CDKAL1: variants seen among roughly 807,000 people sequenced by gnomAD.
CDKAL1 encodes the protein CDKAL1 threonylcarbamoyladenosine tRNA methylthiotransferase, also known as threonylcarbamoyladenosine tRNA methylthiotransferase.
CDKAL1 carries 32 observed loss-of-function variants against 68.2 expected under a neutral mutation model. The observed-to-expected ratio is 0.47, with a 90% CI of 0.35 to 0.63. The LOEUF (loss-of-function observed/expected upper bound fraction) is 0.63. CDKAL1 is among the 30% of genes least tolerant of loss of function. The pLI, the probability that CDKAL1 is intolerant of heterozygous loss-of-function variation, is 0.00. For synonymous variants in CDKAL1, 234 were observed against 244.3 expected (o/e 0.96, Z 0.39); for missense variants, 606 against 696.7 (o/e 0.87, Z 1.47).
At chr6:20,898,106 A>G (rs1761788022) in intron 9 of CDKAL1, among the ~76,000 whole-genome samples, 1 of 152,014 alleles carries the variant, frequency 6.6e-6, no homozygotes, top group Non-Finnish European at 1.5e-5. Flanking sequence ...TCTTGGGTGT[A>G]TAATTAGTTT....
At chr6:21,113,855 T>C (rs115264979) in intron 13 of CDKAL1, among the ~76,000 whole-genome samples, 4,626 of 151,432 alleles carry the variant, frequency 0.031, 165 homozygotes, top group East Asian at 0.18. Flanking sequence ...CAGGAGGATC[T>C]CTTGAGCCCA....
Position 20,972,370 on chromosome 6 carries a change from T to C in CDKAL1, c.909+16785T>C, listed in dbSNP as rs549590683. ...CTCTTATCACCCAGGCTTGAGACAC[T>C]CTTAGCTCTTCCTTAGCCTTTAGTT... On this transcript the variant is annotated intron_variant, in intron 10 of 15. Transcript: ENST00000274695. Among the ~76,000 whole-genome samples, 164 of 152,280 alleles carry C rather than the reference T, an allele frequency of 1.1e-3. 1 individual carries two copies. The highest frequency in any genetic ancestry group is 3.8e-3 in the African/African-American group (158 of 41,560).
intron 4 of CDKAL1, among the ~76,000 whole-genome samples, chr6:20,601,564 C>T (rs1051770301): frequency 3.3e-5 from 5 of 152,048 alleles, no homozygotes; most frequent in Non-Finnish European, 5.9e-5. Flanking sequence ...CTCTCAGAGC[C>T]TCTCCTCTGT....
chr6:20,627,360 A>G (rs1032313370), intron 4 of CDKAL1, among the ~76,000 whole-genome samples: 3 of 152,214 alleles, frequency 2.0e-5, no homozygotes, highest in East Asian at 3.8e-4. Flanking sequence ...CAAATATACC[A>G]TACTCTGTAG....
chr6:20,765,113 G>C (rs1235463905), intron 7 of CDKAL1, among the ~76,000 whole-genome samples: 1 of 150,470 alleles, frequency 6.6e-6, no homozygotes, highest in Non-Finnish European at 1.5e-5. Flanking sequence ...TTGGTAACTT[G>C]CATTTCCCAT....
intron 9 of CDKAL1, among the ~76,000 whole-genome samples, chr6:20,935,797 T>C (rs1466737966): frequency 6.6e-6 from 1 of 152,146 alleles, no homozygotes; most frequent in Non-Finnish European, 1.5e-5. Flanking sequence ...CTACAACTCC[T>C]GCGCTCAAGC....
At position 21,013,305 on chromosome 6, in the gene CDKAL1, CTTTCTTTCTTT is replaced by C. The variant is rs1260971672; in HGVS notation, c.1055+12943_1055+12953del. On this transcript the variant is annotated intron_variant, in intron 11 of 15. Coordinates refer to ENST00000274695, the MANE Select transcript of CDKAL1 (RefSeq NM_017774.3). ...TGTTTCCTCTCTCTCTCTTTTCTTT[CTTTCTTTCTTT>C]TTTCTTTCTCTTCTCTTTTCAAGTA... Among the ~76,000 whole-genome samples, 4 of 152,178 alleles carry C rather than the reference CTTTCTTTCTTT, an allele frequency of 2.6e-5. No individual in the cohort carries two copies. In the East Asian group the frequency reaches 7.7e-4, roughly 29 times the overall value.
intron 5 of CDKAL1, among the ~76,000 whole-genome samples, chr6:20,734,536 A>T (rs1301417836): frequency 6.6e-6 from 1 of 152,178 alleles, no homozygotes; most frequent in East Asian, 1.9e-4. Context: ...AAAGCTAACC[A>T]GACAAAAAGA....
intron 9 of CDKAL1, among the ~76,000 whole-genome samples, chr6:20,890,719 A>G (rs889224674): frequency 6.6e-6 from 1 of 152,138 alleles, no homozygotes; most frequent in Non-Finnish European, 1.5e-5. Context: ...CTGTCATACC[A>G]TTAGTCTTTT....
At chr6:21,161,073 A>G (rs1187423182) in intron 13 of CDKAL1, among the ~76,000 whole-genome samples, 1 of 152,088 alleles carries the variant, frequency 6.6e-6, no homozygotes, top group African/African-American at 2.4e-5. Flanking sequence ...AGTGTCAAGG[A>G]ACAGGGAAGA....
At chr6:20,681,151 GTGAA>G (rs1770358733) in intron 5 of CDKAL1, among the ~76,000 whole-genome samples, 1 of 152,166 alleles carries the variant, frequency 6.6e-6, no homozygotes, top group African/African-American at 2.4e-5. Flanking sequence ...TTTCACTGTT[GTGAA>G]TGCATTTACA....
chr6:20,789,844 T>C (rs1019382352), intron 8 of CDKAL1, among the ~76,000 whole-genome samples: 4 of 152,248 alleles, frequency 2.6e-5, no homozygotes, highest in Non-Finnish European at 4.4e-5. Context: ...GCTTTTACAG[T>C]TGAGAAAGCT....
At chr6:20,763,251 C>A (rs919411421) in intron 7 of CDKAL1, among the ~76,000 whole-genome samples, 2 of 152,058 alleles carry the variant, frequency 1.3e-5, no homozygotes, top group African/African-American at 4.8e-5. Context: ...CTTTCCTTAC[C>A]CTAAGGTCAC....
At chr6:20,715,118 A>T (rs1418101501) in intron 5 of CDKAL1, among the ~76,000 whole-genome samples, 1 of 152,202 alleles carries the variant, frequency 6.6e-6, no homozygotes, top group East Asian at 1.9e-4. Context: ...AACATTATTA[A>T]CTATAGTCCT....
intron 12 of CDKAL1, among the ~76,000 whole-genome samples, chr6:21,087,389 TG>T (rs1772752910): frequency 6.6e-6 from 1 of 152,174 alleles, no homozygotes; most frequent in East Asian, 1.9e-4. Flanking sequence ...TGGAGTGCAG[TG>T]GCACAAACAC....
In CDKAL1 at chr6:20,955,538, C is replaced by T. The variant is rs758601595; in HGVS notation, c.862C>T (p.Leu288=). The T allele has an allele frequency of 5.0e-6, 8 of 1,614,130 alleles. No individual in the cohort carries two copies. Among genetic ancestry groups the T allele is most frequent in the Non-Finnish European group, 6.8e-6 (8 of 1,180,012 alleles). ...LVEVIPEGAM[L]RLGMTNPPYI... Reference sequence around the variant, plus strand: ...TGAAGTGATTCCTGAGGGAGCAATGCTGAGGCTTGGCATGACAAATCCGCC... The same window carrying T: ...TGAAGTGATTCCTGAGGGAGCAATGTTGAGGCTTGGCATGACAAATCCGCC... Residue 288 remains leucine (L), a synonymous_variant, in exon 10 of 16, where the codon CTG becomes TTG. Coordinates refer to ENST00000274695, the MANE Select transcript of CDKAL1 (RefSeq NM_017774.3).
At chr6:21,159,281 G>C (rs1776795764) in intron 13 of CDKAL1, among the ~76,000 whole-genome samples, 1 of 152,040 alleles carries the variant, frequency 6.6e-6, no homozygotes, top group Admixed American at 6.5e-5. Flanking sequence ...ATTTCACACT[G>C]ATTATAAGCT....
At chr6:21,201,301 C>A (rs1444699369) in intron 15 of CDKAL1, 27 bp downstream of exon 15, 5 of 1,571,614 alleles carry the variant, frequency 3.2e-6, no homozygotes, top group Non-Finnish European at 4.3e-6. Flanking sequence ...CTCCTCTCTA[C>A]CCTGCTAGTA....
intron 8 of CDKAL1, among the ~76,000 whole-genome samples, chr6:20,784,696 T>C (rs1775594401): frequency 6.6e-6 from 1 of 152,024 alleles, no homozygotes; most frequent in Admixed American, 6.5e-5. Context: ...GTGCTGGGAT[T>C]ATAGGCATGA....
Sources: allele counts gnomAD v4.1 joint callset (sites outside exome capture counted in the v4.1 genomes callset), GRCh38; gene constraint gnomAD v4.1.1; transcripts MANE v1.5; gene names NCBI Gene and HGNC (gene_info 2026-07-23, HGNC 2026-07-21).